ALKBH1: variants seen among roughly 807,000 people sequenced by gnomAD.
ALKBH1 encodes alkB homolog 1, histone H2A dioxygenase.
Under a neutral mutation model 36.6 loss-of-function variants are expected in ALKBH1, and 31 were observed. The ratio of observed to expected loss-of-function variants is 0.85; its 90% CI spans 0.64 to 1.14. The LOEUF is 1.14. ALKBH1 is among the 50% of genes most tolerant of loss of function. ALKBH1 has a pLI of 0.00. For missense variants in ALKBH1, 490 were observed against 497.3 expected, an observed-to-expected ratio of 0.99 and a Z score of 0.14; for synonymous variants, 183 against 186.6, an observed-to-expected ratio of 0.98 and a Z score of 0.16.
chr14:77,702,435 C>G (rs1452388738), intron 2 of ALKBH1, among the ~76,000 whole-genome samples: 1 of 152,068 alleles, frequency 6.6e-6, no homozygotes, highest in African/African-American at 2.4e-5. Context: ...TATATCTTCC[C>G]AAGCTATTAA....
In ALKBH1 at chr14:77,675,790, T is replaced by C. The variant is rs1451606457; in HGVS notation, c.606A>G (p.Gln202=). 1 of 1,614,120 alleles carries C rather than the reference T, an allele frequency of 6.2e-7. No individual in the cohort carries two copies. The highest frequency in any genetic ancestry group is 8.5e-7 in the Non-Finnish European group (1 of 1,180,008). ...FPSDLGFLSE[Q]VAAACGFEDF... Reference sequence around the variant, plus strand: ...CCTCAAATCCACAGGCAGCGGCTACTTGCTCTGAGAGGAAACCCAGGTCAG... The same window carrying C: ...CCTCAAATCCACAGGCAGCGGCTACCTGCTCTGAGAGGAAACCCAGGTCAG... Residue 202 remains glutamine, a synonymous_variant, in exon 5 of 6, where the codon CAA becomes CAG. Coordinates refer to ENST00000216489, the MANE Select transcript of ALKBH1 (RefSeq NM_006020.3).
chr14:77,700,957 T>C (rs1595059232), intron 2 of ALKBH1, among the ~76,000 whole-genome samples: 1 of 151,982 alleles, frequency 6.6e-6, no homozygotes, highest in South Asian at 2.1e-4. Flanking sequence ...TAGCTGGACA[T>C]GGTGGTGCAA....
chr14:77,693,224 A>ATTT (rs1555384419), intron 3 of ALKBH1, among the ~76,000 whole-genome samples: 8 of 126,434 alleles, frequency 6.3e-5, no homozygotes, highest in East Asian at 2.3e-4. Flanking sequence ...AAAAAAAAAA[A>ATTT]TTTTTTTTCA....
In ALKBH1 at chr14:77,684,746, CTA is replaced by C. The variant is rs1266321081; in HGVS notation, c.456-4778_456-4777del. On this transcript the variant is annotated intron_variant, in intron 3 of 5. Transcript: ENST00000216489. ...ATTTTTTTGTAGAGACGGGGTCTCT[CTA>C]TGTTGCCCAGGTGGGTCTTGAACTT... is the stretch of plus-strand genomic sequence containing the variant. 3.9e-5 allele frequency among the ~76,000 whole-genome samples: 6 copies of C among 152,292 alleles called. No homozygotes were observed. In the East Asian group the frequency reaches 1.2e-3, roughly 29 times the overall value.
intron 3 of ALKBH1, among the ~76,000 whole-genome samples, chr14:77,685,671 C>T (rs918220352): frequency 1.3e-5 from 2 of 150,050 alleles, no homozygotes; most frequent in East Asian, 2.0e-4. Context: ...CCCAGCTACT[C>T]GGGAGGCTGA....
chr14:77,688,022 C>T (rs114156162), intron 3 of ALKBH1, among the ~76,000 whole-genome samples: 1,896 of 152,252 alleles, frequency 0.012, 34 homozygotes, highest in African/African-American at 0.041. Flanking sequence ...TTTCAAAAAA[C>T]AGTATGGCCC....
chr14:77,707,736 G>T, intron 1 of ALKBH1, 86 bp downstream of exon 1: 1 of 1,463,806 alleles, frequency 6.8e-7, no homozygotes, highest in Non-Finnish European at 9.2e-7. Context: ...CGGTCTGGAG[G>T]TGAAAAGAGG....
At chr14:77,687,680 C>A (rs574360231) in intron 3 of ALKBH1, among the ~76,000 whole-genome samples, 1 of 151,210 alleles carries the variant, frequency 6.6e-6, no homozygotes, top group African/African-American at 2.4e-5. Flanking sequence ...CCCTTCTCTT[C>A]TTGAAACATT....
At chr14:77,694,547 A>G (rs1390701549) in intron 3 of ALKBH1, among the ~76,000 whole-genome samples, 191 bp downstream of exon 3, 4 of 152,182 alleles carry the variant, frequency 2.6e-5, no homozygotes, top group Admixed American at 6.5e-5. Context: ...TCAATTTACT[A>G]TAACTGTCAA....
In ALKBH1 at chr14:77,675,839, G is replaced by T; in HGVS notation, c.557C>A (p.Ala186Glu). 6.2e-7 allele frequency: 1 copy of T among 1,612,702 alleles called. No individual in the cohort carries two copies. The highest frequency in any genetic ancestry group is 8.5e-7 in the Non-Finnish European group (1 of 1,178,784). Residue 186 changes from alanine to glutamate, a missense_variant, in exon 5 of 6, where the codon GCA becomes GAA. Physicochemically the swap from Ala to Glu is moderately radical, Grantham distance 107. Transcript: ENST00000216489. ...AGAAGGGAAAGGTGTGTAATGATCTGCTGAGTATTTCTTTGGTAAATGTAG... is the reference window on the plus strand; with the variant it reads ...AGAAGGGAAAGGTGTGTAATGATCTTCTGAGTATTTCTTTGGTAAATGTAG... ...HYNWDSKKYS[A>E]DHYTPFPSDL...
In ALKBH1 at chr14:77,673,431, A is replaced by T. The variant is rs2080187057; in HGVS notation, c.*381T>A. On this transcript the variant is annotated 3_prime_UTR_variant, in exon 6 of 6. Coordinates refer to ENST00000216489, the MANE Select transcript of ALKBH1 (RefSeq NM_006020.3). The stretch of plus-strand genomic sequence containing the variant: ...TACCATAAATTACCAGATGGAGTGG[A>T]GGGAGGGGTACTGTATTTCTCATTA... 5.6e-6 allele frequency: 1 copy of T among 177,180 alleles called. No individual in the cohort carries two copies. Among genetic ancestry groups the T allele is most frequent in the Non-Finnish European group, 1.2e-5 (1 of 82,460 alleles). 11.0% of individuals were successfully genotyped at this position (177,180 alleles called of 1,614,324 possible).
At chr14:77,683,068 T>A (rs2080247027) in intron 3 of ALKBH1, 3 of 449,558 alleles carry the variant, frequency 6.7e-6, no homozygotes, top group Admixed American at 7.3e-5. Context: ...TCCAGGATGA[T>A]CTTGAACTCC....
At chr14:77,690,800 A>G (rs1001394774) in intron 3 of ALKBH1, among the ~76,000 whole-genome samples, 5 of 151,534 alleles carry the variant, frequency 3.3e-5, no homozygotes, top group African/African-American at 1.2e-4. Flanking sequence ...ATGTTTACAC[A>G]TAACTCTTTT....
chr14:77,685,448 C>CA (rs1286787363), intron 3 of ALKBH1, among the ~76,000 whole-genome samples: 96 of 128,744 alleles, frequency 7.5e-4, no homozygotes, highest in African/African-American at 1.5e-3. Context: ...AAAAAAAACA[C>CA]AAAAAAAAAC....
Position 77,672,770 on chromosome 14 carries a change from T to C in ALKBH1, c.*1042A>G, listed in dbSNP as rs2080182982. 1 of 152,184 alleles carries C rather than the reference T, an allele frequency of 6.6e-6. No homozygotes were observed. 9.4% of individuals were successfully genotyped at this position (152,184 alleles called of 1,614,324 possible). On this transcript the variant is annotated 3_prime_UTR_variant, in exon 6 of 6. Transcript: ENST00000216489. The stretch of plus-strand genomic sequence containing the variant: ...ATGTAAAGTAACCTGGACCATGATA[T>C]AGTCAGTCAAATTGTTGGGGGTATA...
In ALKBH1 at chr14:77,685,325, T is replaced by G. The variant is rs750108563; in HGVS notation, c.456-5355A>C. ...AGGCATGGTGGTGGGTGCCTGTAATTCCAGCTACTCAGGAAGCTGAGGTAC... is the reference window on the plus strand; with the variant it reads ...AGGCATGGTGGTGGGTGCCTGTAATGCCAGCTACTCAGGAAGCTGAGGTAC... On this transcript the variant is annotated intron_variant, in intron 3 of 5. Coordinates refer to ENST00000216489, the MANE Select transcript of ALKBH1 (RefSeq NM_006020.3). Among the ~76,000 whole-genome samples, 29 of 150,844 alleles carry G rather than the reference T, an allele frequency of 1.9e-4. 1 individual carries two copies. The highest frequency in any genetic ancestry group is 4.0e-4 in the Non-Finnish European group (27 of 67,656).
intron 4 of ALKBH1, among the ~76,000 whole-genome samples, chr14:77,678,301 T>C (rs1398229157): frequency 1.3e-5 from 2 of 152,162 alleles, no homozygotes; most frequent in African/African-American, 4.8e-5. Context: ...TCAAAAAATA[T>C]CTAGTTTCCT....
intron 3 of ALKBH1, among the ~76,000 whole-genome samples, chr14:77,689,126 T>G (rs547321509): frequency 6.6e-6 from 1 of 152,328 alleles, no homozygotes; most frequent in African/African-American, 2.4e-5. Flanking sequence ...GCCGTGCCTC[T>G]GACTATACAA....
intron 2 of ALKBH1, among the ~76,000 whole-genome samples, chr14:77,695,136 T>C (rs775262907): frequency 7.9e-5 from 12 of 152,340 alleles, no homozygotes; most frequent in Non-Finnish European, 1.3e-4. Context: ...ACAACTGTTA[T>C]CCCAAAGCAA....
Sources: allele counts gnomAD v4.1 joint callset (sites outside exome capture counted in the v4.1 genomes callset), GRCh38; gene constraint gnomAD v4.1.1; transcripts MANE v1.5; gene names NCBI Gene and HGNC (gene_info 2026-07-23, HGNC 2026-07-21).